The following EPHA6 variants were observed in gnomAD, a reference collection of about 807,000 sequenced individuals.
EPHA6 encodes the protein ephrin type-A receptor 6.
EPHA6 carries 50 observed loss-of-function variants against 112.0 expected under a neutral mutation model. The observed-to-expected ratio is 0.45, with a 90% CI of 0.36 to 0.56. The LOEUF (loss-of-function observed/expected upper bound fraction) is 0.56, where lower values mean the gene tolerates loss of function less well. Ranked by LOEUF, EPHA6 falls within the 20% of genes least tolerant of loss-of-function variation. EPHA6 has a pLI of 0.00. For missense variants in EPHA6, 1,280 were observed against 1,417.4 expected, an observed-to-expected ratio of 0.90 and a Z score of 1.56; for synonymous variants, 529 against 490.7, an observed-to-expected ratio of 1.08 and a Z score of -1.03.
intron 3 of EPHA6, among the ~76,000 whole-genome samples, chr3:97,177,106 A>G (rs1229636424): frequency 6.6e-6 from 1 of 151,764 alleles, no homozygotes; most frequent in Non-Finnish European, 1.5e-5. Context: ...AGAATTTTTC[A>G]GTTTTCTTAT....
intron 3 of EPHA6, among the ~76,000 whole-genome samples, chr3:97,225,311 C>T (rs2078323062): frequency 6.6e-6 from 1 of 152,140 alleles, no homozygotes; most frequent in South Asian, 2.1e-4. Context: ...TTATTTTAAA[C>T]TGCATATTTT....
intron 3 of EPHA6, among the ~76,000 whole-genome samples, chr3:97,025,990 C>T (rs1238297422): frequency 6.6e-5 from 10 of 152,074 alleles, no homozygotes; most frequent in Non-Finnish European, 8.8e-5. Context: ...CTCCCAGCAC[C>T]ATTTATTGAA....
At chr3:97,266,351 T>G (rs974989587) in intron 5 of EPHA6, among the ~76,000 whole-genome samples, 4 of 152,156 alleles carry the variant, frequency 2.6e-5, no homozygotes, top group African/African-American at 4.8e-5. Flanking sequence ...TTTTTCCAGT[T>G]TACCGTATTC....
At chr3:97,339,469 AT>A (rs953512079) in intron 5 of EPHA6, among the ~76,000 whole-genome samples, 7 of 152,088 alleles carry the variant, frequency 4.6e-5, no homozygotes, top group Non-Finnish European at 1.0e-4. Context: ...CATTCCTTCC[AT>A]CTTAACATTT....
chr3:97,256,765 G>T (rs1338030535), intron 5 of EPHA6, among the ~76,000 whole-genome samples: 1 of 151,968 alleles, frequency 6.6e-6, no homozygotes, highest in East Asian at 1.9e-4. Flanking sequence ...TGTTTATATA[G>T]TGAAATGTCA....
rs138869404 is a variant in EPHA6, at chr3:97,456,319, C to G, written c.1894+7589C>G. On this transcript the variant is annotated intron_variant, in intron 7 of 17. Coordinates refer to ENST00000389672, the MANE Select transcript of EPHA6 (RefSeq NM_001080448.3). ...CTTAGCAAATTTGAGGTAGGCACTACAGTGTTATTAACTATAGTCACCATG... is the reference window on the plus strand; with the variant it reads ...CTTAGCAAATTTGAGGTAGGCACTAGAGTGTTATTAACTATAGTCACCATG... Among the ~76,000 whole-genome samples, 558 of 152,162 alleles carry G rather than the reference C, an allele frequency of 3.7e-3. 2 individuals carry two copies. Among genetic ancestry groups the G allele is most frequent in the African/African-American group, 0.013 (521 of 41,550 alleles).
At chr3:96,968,093 A>G (rs1370923188) in intron 2 of EPHA6, among the ~76,000 whole-genome samples, 5 of 150,924 alleles carry the variant, frequency 3.3e-5, no homozygotes, top group Non-Finnish European at 1.5e-5. Context: ...TAGTTTTTCT[A>G]TTTTATCGGG....
chr3:97,252,441 G>C (rs753246973), intron 5 of EPHA6, among the ~76,000 whole-genome samples: 1 of 151,924 alleles, frequency 6.6e-6, no homozygotes, highest in Non-Finnish European at 1.5e-5. Flanking sequence ...GCGCGCGCAC[G>C]CACAGGCACA....
chr3:96,897,762 A>C (rs2038362194), intron 2 of EPHA6, among the ~76,000 whole-genome samples: 1 of 152,200 alleles, frequency 6.6e-6, no homozygotes, highest in Non-Finnish European at 1.5e-5. Context: ...TTCTAGATGC[A>C]TTGCAAAATT....
intron 15 of EPHA6, among the ~76,000 whole-genome samples, chr3:97,734,886 G>C (rs1213368566): frequency 6.6e-6 from 1 of 151,856 alleles, no homozygotes; most frequent in African/African-American, 2.4e-5. Flanking sequence ...TGAAAACCTA[G>C]GCTACATAAA....
At chr3:97,385,530 T>A (rs1257266507) in intron 5 of EPHA6, among the ~76,000 whole-genome samples, 1 of 152,204 alleles carries the variant, frequency 6.6e-6, no homozygotes, top group Non-Finnish European at 1.5e-5. Context: ...TTTCAAAGAC[T>A]CACTATCTAT....
chr3:97,638,027 A>G lies in EPHA6; in HGVS notation c.2729A>G (p.Asp910Gly). ...AGCAACTTAGTATGCAAAGTTTCTG[A>G]TTTTGGTCTCTCCAGAGTGCTGGAA... ...VNSNLVCKVS[D>G]FGLSRVLEDD... The change falls in exon 14 of 18, where the codon GAT becomes GGT. Residue 910 changes from aspartate to glycine, a missense_variant. Asp to Gly is a moderately conservative substitution (Grantham distance 94). This residue lies in a region of EPHA6 where 878 missense variants were observed against 999.7 expected (regional missense o/e 0.88). Coordinates refer to ENST00000389672, the MANE Select transcript of EPHA6 (RefSeq NM_001080448.3). The G allele has an allele frequency of 6.2e-7, 1 of 1,613,866 alleles. No homozygotes were observed. Among genetic ancestry groups the G allele is most frequent in the South Asian group, 1.1e-5 (1 of 91,082 alleles).
At chr3:97,567,273 G>A (rs1018028994) in intron 11 of EPHA6, among the ~76,000 whole-genome samples, 4 of 152,078 alleles carry the variant, frequency 2.6e-5, no homozygotes, top group Non-Finnish European at 4.4e-5. Context: ...TCCTATGAAT[G>A]ATTTGAAGAA....
intron 3 of EPHA6, among the ~76,000 whole-genome samples, chr3:97,140,084 T>C (rs2075861902): frequency 6.6e-6 from 1 of 151,938 alleles, no homozygotes; most frequent in African/African-American, 2.4e-5. Flanking sequence ...TAATAAACTG[T>C]AAAAGACAAA....
chr3:96,829,659 C>T (rs937857025), intron 1 of EPHA6, among the ~76,000 whole-genome samples: 1 of 152,026 alleles, frequency 6.6e-6, no homozygotes, highest in Non-Finnish European at 1.5e-5. Flanking sequence ...AGTATAGGAG[C>T]TCTCTTTCAG....
At chr3:97,622,791 T>C (rs1232902064) in intron 13 of EPHA6, among the ~76,000 whole-genome samples, 1 of 151,834 alleles carries the variant, frequency 6.6e-6, no homozygotes, top group African/African-American at 2.4e-5. Context: ...TTTGTTGTTA[T>C]AATGGCTATC....
At chr3:97,035,467 C>G (rs1465091342) in intron 3 of EPHA6, among the ~76,000 whole-genome samples, 11 of 151,826 alleles carry the variant, frequency 7.2e-5, no homozygotes, top group African/African-American at 2.7e-4. Flanking sequence ...ATCTCCTCAA[C>G]TATATTTTGA....
intron 5 of EPHA6, among the ~76,000 whole-genome samples, chr3:97,395,385 A>C (rs2086640495): frequency 6.6e-6 from 1 of 151,840 alleles, no homozygotes; most frequent in Non-Finnish European, 1.5e-5. Flanking sequence ...TATAGGTCAG[A>C]AGTATTTTGA....
intron 5 of EPHA6, among the ~76,000 whole-genome samples, chr3:97,389,654 A>G (rs1469469429): frequency 6.6e-6 from 1 of 152,194 alleles, no homozygotes; most frequent in Non-Finnish European, 1.5e-5. Context: ...ATTAATTTAG[A>G]ACATAAAATG....
Sources: gnomAD v4.1 joint callset for allele counts (sites outside exome capture counted in the v4.1 genomes callset) on GRCh38, gnomAD v4.1.1 for gene constraint, gnomAD v4.1.1 regional missense constraint, MANE v1.5 for transcripts, NCBI Gene and HGNC (gene_info 2026-07-23, HGNC 2026-07-21) for gene names.